The following CCDC175 variants were observed in gnomAD, a reference collection of about 807,000 sequenced individuals.
CCDC175 encodes the protein coiled-coil domain containing 175.
A neutral mutation model predicts 114.6 loss-of-function variants in CCDC175; 100 were observed. The ratio of observed to expected loss-of-function variants is 0.87; its 90% CI spans 0.74 to 1.03. The LOEUF (loss-of-function observed/expected upper bound fraction) is 1.03, where lower values mean the gene tolerates loss of function less well. Among genes scored for constraint, CCDC175 ranks in the 50% least tolerant of loss-of-function variants. CCDC175 has a pLI of 0.00. For synonymous variants in CCDC175, 306 were observed against 308.7 expected (o/e 0.99, Z 0.09); for missense variants, 880 against 917.8 (o/e 0.96, Z 0.53).
At chr14:59,556,919 C>T (rs1308032810) in intron 7 of CCDC175, among the ~76,000 whole-genome samples, 2 of 152,114 alleles carry the variant, frequency 1.3e-5, no homozygotes, top group South Asian at 2.1e-4. Flanking sequence ...CAATGAGATA[C>T]CATCTCACAC....
intron 17 of CCDC175, among the ~76,000 whole-genome samples, chr14:59,519,643 C>G (rs993958927): frequency 1.6e-4 from 24 of 152,300 alleles, no homozygotes; most frequent in African/African-American, 5.5e-4. Context: ...AGACATGTGA[C>G]AGATTGTATT....
At chr14:59,571,123 C>A (rs1896823018) in intron 3 of CCDC175, among the ~76,000 whole-genome samples, 1 of 145,080 alleles carries the variant, frequency 6.9e-6, no homozygotes, top group African/African-American at 2.6e-5. Flanking sequence ...AAAGTTTGAC[C>A]CTTACCCCAA....
chr14:59,557,166 C>T (rs1895949220), intron 7 of CCDC175, among the ~76,000 whole-genome samples: 1 of 152,072 alleles, frequency 6.6e-6, no homozygotes, highest in African/African-American at 2.4e-5. Context: ...CACACGCACA[C>T]GTATGTTTAT....
At chr14:59,530,498 T>C (rs556825470) in intron 14 of CCDC175, among the ~76,000 whole-genome samples, 3 of 147,850 alleles carry the variant, frequency 2.0e-5, no homozygotes, top group Admixed American at 1.3e-4. Context: ...GAAAAGAAAA[T>C]TGGGAATAAG....
At position 59,576,728 on chromosome 14, in the gene CCDC175, C is replaced by T; in HGVS notation, c.48G>A (p.Leu16=). The T allele has an allele frequency of 2.0e-6, 3 of 1,475,248 alleles. No homozygotes were observed. The highest frequency in any genetic ancestry group is 2.7e-6 in the Non-Finnish European group (3 of 1,121,984). The allele number at this position is 1,475,248 out of a possible 1,614,324, so 91.4% of individuals were successfully genotyped here. ...CAGTGGAGACGGCAGCCGCCTGCACCAGCTTCTCGCCAGCGCCCAGCCCTG... is the reference window on the plus strand; with the variant it reads ...CAGTGGAGACGGCAGCCGCCTGCACTAGCTTCTCGCCAGCGCCCAGCCCTG... The part of the protein sequence containing the change: ...WTPGLGAGEK[L]VQAAAVSTGP... The change falls in exon 1 of 20, where the codon CTG becomes CTA. Residue 16 remains leucine (L), a synonymous_variant. Transcript: ENST00000537690.
rs1325842519 is a variant in CCDC175, at chr14:59,572,735, T to C, written c.322A>G (p.Thr108Ala). 1 of 1,514,468 alleles carries C rather than the reference T, an allele frequency of 6.6e-7. No homozygotes were observed. Among genetic ancestry groups the C allele is most frequent in the Non-Finnish European group, 8.8e-7 (1 of 1,141,064 alleles). The allele number at this position is 1,514,468 out of a possible 1,614,324, so 93.8% of individuals were successfully genotyped here. A position where few individuals can be genotyped will look rare whatever the true frequency, so the allele number is the denominator to read the frequency against. The change falls in exon 3 of 20, where the codon ACT becomes GCT. Residue 108 changes from threonine to alanine, a missense_variant. Thr to Ala is a moderately conservative substitution (Grantham distance 58). Transcript: ENST00000537690. ...ELNKLYYLLE[T>A]LPNSIKRELE... ...TCCCTCTTAATGCTATTGGGAAGAG[T>C]TTCCAATAGATAGTATAGTTTGTTG... is the stretch of plus-strand genomic sequence containing the variant.
In CCDC175 at chr14:59,507,933, A is replaced by G. The variant is rs1892521165; in HGVS notation, c.2306-2618T>C. On this transcript the variant is annotated intron_variant, in intron 19 of 19. Transcript: ENST00000537690. Reference sequence around the variant, plus strand: ...TATATGACCAAACAGCAAACTGTTTATCATGAACGCAGGATGTGAGCAAAC... The same window carrying G: ...TATATGACCAAACAGCAAACTGTTTGTCATGAACGCAGGATGTGAGCAAAC... Among the ~76,000 whole-genome samples, 5 of 152,180 alleles carry G rather than the reference A, an allele frequency of 3.3e-5. 1 individual carries two copies. The South Asian group carries it at 1.0e-3, about 31-fold the overall frequency.
chr14:59,515,794 A>G (rs1893042924), intron 17 of CCDC175, among the ~76,000 whole-genome samples: 1 of 152,144 alleles, frequency 6.6e-6, no homozygotes, highest in Non-Finnish European at 1.5e-5. Flanking sequence ...CAGGAATTGA[A>G]CTCAGCTCTG....
chr14:59,506,437 G>A (rs929492289), intron 19 of CCDC175, among the ~76,000 whole-genome samples: 3 of 151,896 alleles, frequency 2.0e-5, no homozygotes, highest in Non-Finnish European at 2.9e-5. Flanking sequence ...ATAGGTGCCC[G>A]CCATGACACC....
intron 10 of CCDC175, among the ~76,000 whole-genome samples, chr14:59,541,031 G>A (rs1344844537): frequency 1.3e-5 from 2 of 152,166 alleles, no homozygotes; most frequent in African/African-American, 4.8e-5. Context: ...TTTCTCAGAG[G>A]GAGGAATGTG....
intron 17 of CCDC175, among the ~76,000 whole-genome samples, chr14:59,515,029 A>C (rs1239275557): frequency 6.6e-6 from 1 of 152,218 alleles, no homozygotes; most frequent in Admixed American, 6.5e-5. Context: ...CTTAAAGAAA[A>C]GAATTTTCAA....
chr14:59,520,397 G>C (rs1259265552), intron 17 of CCDC175, among the ~76,000 whole-genome samples: 1 of 152,158 alleles, frequency 6.6e-6, no homozygotes, highest in Non-Finnish European at 1.5e-5. Context: ...TGGCAAATTT[G>C]TCTGGCGGTT....
chr14:59,555,511 C>A (rs1467953741), intron 7 of CCDC175, among the ~76,000 whole-genome samples: 2 of 152,166 alleles, frequency 1.3e-5, no homozygotes, highest in African/African-American at 4.8e-5. Context: ...CAATATCATA[C>A]TGAATGGGCA....
chr14:59,570,077 G>A (rs920940096), intron 3 of CCDC175, among the ~76,000 whole-genome samples: 1 of 152,176 alleles, frequency 6.6e-6, no homozygotes, highest in Non-Finnish European at 1.5e-5. Flanking sequence ...TGCCCACAGA[G>A]AGGTGCCATG....
At position 59,574,934 on chromosome 14, in the gene CCDC175, A is replaced by C. The variant is rs555852860; in HGVS notation, c.243+9T>G. 1.5e-6 allele frequency: 2 copies of C among 1,370,050 alleles called. No individual in the cohort carries two copies. The highest frequency in any genetic ancestry group is 4.5e-5 in the Admixed American group (2 of 43,966). The allele number at this position is 1,370,050 out of a possible 1,614,324, so 84.9% of individuals were successfully genotyped here. ...ATTGAAGAAATGGTTCTTATAGATA[A>C]TACAATACCAATTTCTTAACAGCTA... On this transcript the variant is annotated intron_variant, in intron 2 of 19. Transcript: ENST00000537690.
chr14:59,525,253 C>A, intron 16 of CCDC175, 29 bp downstream of exon 16: 1 of 1,390,642 alleles, frequency 7.2e-7, no homozygotes, highest in African/African-American at 1.5e-5. Context: ...TCAAAGCCAT[C>A]ATGAAAAGGA....
chr14:59,525,007 T>C (rs1373011119), intron 16 of CCDC175, among the ~76,000 whole-genome samples: 1 of 152,112 alleles, frequency 6.6e-6, no homozygotes, highest in African/African-American at 2.4e-5. Flanking sequence ...TAGCCTATGG[T>C]GTTAGCATGG....
At chr14:59,543,497 T>C (rs1286786473) in intron 9 of CCDC175, 43 bp from the exon 10 acceptor site, 2 of 685,648 alleles carry the variant, frequency 2.9e-6, no homozygotes, top group Non-Finnish European at 4.6e-6. Context: ...CTGACATAAA[T>C]ATGCAAACAC....
intron 7 of CCDC175, among the ~76,000 whole-genome samples, chr14:59,554,908 T>C (rs2140085949): frequency 6.6e-6 from 1 of 152,248 alleles, no homozygotes; most frequent in South Asian, 2.1e-4. Context: ...CTCCGAAGAC[T>C]AAACCAGGAA....
Sources: allele counts gnomAD v4.1 joint callset (sites outside exome capture counted in the v4.1 genomes callset), GRCh38; gene constraint gnomAD v4.1.1; transcripts MANE v1.5; gene names NCBI Gene and HGNC (gene_info 2026-07-23, HGNC 2026-07-21).